Variants in MYLK observed in about 807,000 individuals in gnomAD.
MYLK encodes the protein myosin light chain kinase, smooth muscle.
Under a neutral mutation model 203.4 loss-of-function variants are expected in MYLK, and 106 were observed. The ratio of observed to expected loss-of-function variants is 0.52; its 90% CI spans 0.45 to 0.61. The LOEUF (loss-of-function observed/expected upper bound fraction) is 0.61, where lower values mean the gene tolerates loss of function less well. Ranked by LOEUF, MYLK falls within the 20% of genes least tolerant of loss-of-function variation. The pLI, the probability that MYLK is intolerant of heterozygous loss-of-function variation, is 0.00. For synonymous variants in MYLK, 867 were observed against 959.5 expected (o/e 0.90, Z 1.78); for missense variants, 2,072 against 2,442.3 (o/e 0.85, Z 3.20).
In MYLK at chr3:123,682,294, C is replaced by T. The variant is rs1174927905; in HGVS notation, c.3582G>A (p.Glu1194=). 1.9e-6 allele frequency: 3 copies of T among 1,602,052 alleles called. No individual in the cohort carries two copies. The highest frequency in any genetic ancestry group is 2.7e-5 in the African/African-American group (2 of 74,830). ...QVTVDDAPAS[E]NTKAPEMKSR... ...ATTTCATCTCTGGGGCCTTGGTGTTCTCACTGGCTGGAGCATCTGGAATGA... is the reference window on the plus strand; with the variant it reads ...ATTTCATCTCTGGGGCCTTGGTGTTTTCACTGGCTGGAGCATCTGGAATGA... Residue 1194 remains glutamate (E), a synonymous_variant, in exon 20 of 34, where the codon GAG becomes GAA. Coordinates refer to ENST00000360304, the MANE Select transcript of MYLK (RefSeq NM_053025.4).
chr3:123,742,459 T>C lies in MYLK; in HGVS notation c.374-2458A>G, dbSNP rs6438806. 7.8e-3 allele frequency among the ~76,000 whole-genome samples: 1,187 copies of C among 152,182 alleles called. 16 individuals carry two copies. The highest frequency in any genetic ancestry group is 0.026 in the African/African-American group (1,064 of 41,492). The stretch of plus-strand genomic sequence containing the variant: ...TACTCTGAGTAATTTTATTCAGCTG[T>C]ATTTTCTAAAACCTATAAATACAAT... On this transcript the variant is annotated intron_variant, in intron 5 of 33. Transcript: ENST00000360304.
intron 5 of MYLK, among the ~76,000 whole-genome samples, chr3:123,746,792 G>A (rs995422076): frequency 1.2e-4 from 12 of 101,204 alleles, no homozygotes; most frequent in Non-Finnish European, 2.2e-5. Context: ...AGCATTTTAA[G>A]ATTCTGCCTA....
At chr3:123,656,882 C>A (rs1469389135) in intron 24 of MYLK, among the ~76,000 whole-genome samples, 1 of 152,206 alleles carries the variant, frequency 6.6e-6, no homozygotes, top group East Asian at 1.9e-4. Flanking sequence ...AACATACCAT[C>A]ACCCCCTGGT....
intron 3 of MYLK, among the ~76,000 whole-genome samples, chr3:123,806,955 G>A (rs780849788): frequency 2.0e-4 from 30 of 150,836 alleles, no homozygotes; most frequent in African/African-American, 3.4e-4. Flanking sequence ...GTGAACCACC[G>A]TGCCTGGCCA....
Position 123,613,525 on chromosome 3 carries a change from A to G in MYLK, c.*580T>C, listed in dbSNP as rs1038188996. ...CATAATGTCCTTAATGCTTACACTCATGACAAGTTGAGAGTCAGCAAAACT... is the reference window on the plus strand; with the variant it reads ...CATAATGTCCTTAATGCTTACACTCGTGACAAGTTGAGAGTCAGCAAAACT... On this transcript the variant is annotated 3_prime_UTR_variant, in exon 34 of 34. Transcript: ENST00000360304. The G allele has an allele frequency of 2.5e-5, 4 of 162,318 alleles. No homozygotes were observed. The highest frequency in any genetic ancestry group is 9.6e-5 in the African/African-American group (4 of 41,496). The allele number at this position is 162,318 out of a possible 1,614,324, so 10.1% of individuals were successfully genotyped here. A position where few individuals can be genotyped will look rare whatever the true frequency, so the allele number is the denominator to read the frequency against.
chr3:123,639,627 C>G (rs148514178), intron 28 of MYLK, among the ~76,000 whole-genome samples: 59 of 152,248 alleles, frequency 3.9e-4, no homozygotes, highest in African/African-American at 1.3e-3. Context: ...GCCTTGAGAC[C>G]CTGACCGCCT....
chr3:123,840,305 G>A (rs1252859507), intron 2 of MYLK, among the ~76,000 whole-genome samples: 1 of 151,388 alleles, frequency 6.6e-6, no homozygotes, highest in East Asian at 1.9e-4. Flanking sequence ...AGGAAAAAAA[G>A]AAAGATGGTA....
At chr3:123,704,759 A>G (rs2108614797) in intron 16 of MYLK, among the ~76,000 whole-genome samples, 1 of 150,564 alleles carries the variant, frequency 6.6e-6, no homozygotes, top group East Asian at 2.0e-4. Context: ...AAAAAAAAAA[A>G]AAAAAAAAAA....
chr3:123,852,050 T>C (rs1470999222), intron 2 of MYLK, among the ~76,000 whole-genome samples: 1 of 152,206 alleles, frequency 6.6e-6, no homozygotes. Flanking sequence ...ATTACGTTTA[T>C]TGATTTGCGT....
chr3:123,724,138 G>A (rs1387407591), intron 12 of MYLK, among the ~76,000 whole-genome samples: 1 of 76,536 alleles, frequency 1.3e-5, no homozygotes, highest in East Asian at 4.6e-4. Flanking sequence ...GCTAAGTTTT[G>A]CTTTTTTTTT....
chr3:123,879,813 C>A (rs2148727924), intron 1 of MYLK, among the ~76,000 whole-genome samples: 1 of 152,208 alleles, frequency 6.6e-6, no homozygotes, highest in Admixed American at 6.5e-5. Context: ...CGCCACCACA[C>A]CTGGCTAATT....
intron 2 of MYLK, among the ~76,000 whole-genome samples, chr3:123,846,378 C>T (rs1398498969): frequency 6.6e-6 from 1 of 152,156 alleles, no homozygotes; most frequent in Admixed American, 6.5e-5. Flanking sequence ...TAACTTGCTT[C>T]TTTCATTCAA....
Position 123,613,987 on chromosome 3 carries a change from TA to T in MYLK, c.*117del. On this transcript the variant is annotated 3_prime_UTR_variant, in exon 34 of 34. Transcript: ENST00000360304. Reference sequence around the variant, plus strand: ...CTGAAGAATCAACCCACAAATGACCTAACCGATAATCTATCACACTAGGTGC... The same window carrying T: ...CTGAAGAATCAACCCACAAATGACCTACCGATAATCTATCACACTAGGTGC... The T allele has an allele frequency of 7.7e-7, 1 of 1,292,978 alleles. No individual in the cohort carries two copies. Among genetic ancestry groups the T allele is most frequent in the Non-Finnish European group, 1.1e-6 (1 of 916,726 alleles). 80.1% of individuals were successfully genotyped at this position (1,292,978 alleles called of 1,614,324 possible).
chr3:123,807,837 C>G (rs2065424115), intron 3 of MYLK, among the ~76,000 whole-genome samples: 1 of 152,264 alleles, frequency 6.6e-6, no homozygotes, highest in South Asian at 2.1e-4. Context: ...TCTCCTCCCA[C>G]TGGCTGGGCA....
At chr3:123,801,743 G>A (rs1170787611) in intron 3 of MYLK, among the ~76,000 whole-genome samples, 2 of 152,170 alleles carry the variant, frequency 1.3e-5, no homozygotes, top group African/African-American at 4.8e-5. Context: ...CCATGTTGCT[G>A]CAAAGGACAT....
intron 15 of MYLK, among the ~76,000 whole-genome samples, chr3:123,708,226 A>G (rs957034670): frequency 3.9e-5 from 6 of 152,164 alleles, no homozygotes; most frequent in African/African-American, 1.2e-4. Context: ...TGTATATCCA[A>G]TGTAAGGGGA....
chr3:123,674,321 G>A (rs2060007981), intron 20 of MYLK, among the ~76,000 whole-genome samples: 1 of 152,010 alleles, frequency 6.6e-6, no homozygotes, highest in South Asian at 2.1e-4. Flanking sequence ...CACCTCCTAG[G>A]CTTCTGGTCC....
chr3:123,861,361 C>T (rs2031901025), intron 2 of MYLK, among the ~76,000 whole-genome samples: 1 of 152,220 alleles, frequency 6.6e-6, no homozygotes, highest in Admixed American at 6.5e-5. Flanking sequence ...AGGTGTCTGT[C>T]CTTCAGATCC....
chr3:123,819,829 A>C (rs1295535106), intron 3 of MYLK, among the ~76,000 whole-genome samples: 1 of 126,728 alleles, frequency 7.9e-6, no homozygotes, highest in African/African-American at 3.0e-5. Context: ...ATTCTTTTGA[A>C]GACTCCTCTT....
Sources: gnomAD v4.1 joint callset for allele counts (sites outside exome capture counted in the v4.1 genomes callset) on GRCh38, gnomAD v4.1.1 for gene constraint, MANE v1.5 for transcripts, NCBI Gene and HGNC (gene_info 2026-07-23, HGNC 2026-07-21) for gene names.